ZNF398: variants seen among roughly 807,000 people sequenced by gnomAD.
ZNF398 encodes zinc finger DNA binding protein ZER6.
ZNF398 carries 18 observed loss-of-function variants against 41.9 expected under a neutral mutation model. That is an observed-to-expected ratio of 0.43 (90% CI 0.30 to 0.64). The LOEUF is 0.64. Among genes scored for constraint, ZNF398 ranks in the 30% least tolerant of loss-of-function variants. The pLI, the probability that ZNF398 is intolerant of heterozygous loss-of-function variation, is 0.14. For synonymous variants in ZNF398, 260 were observed against 308.8 expected (o/e 0.84, Z 1.66); for missense variants, 669 against 822.8 (o/e 0.81, Z 2.29).
intron 4 of ZNF398, among the ~76,000 whole-genome samples, chr7:149,176,257 G>A (rs550016800): frequency 9.2e-5 from 14 of 152,208 alleles, no homozygotes; most frequent in African/African-American, 3.1e-4. Context: ...GCAGCGGGGA[G>A]AATGGCTTGA....
At chr7:149,157,419 C>T (rs1304001696) in intron 2 of ZNF398, among the ~76,000 whole-genome samples, 1 of 151,748 alleles carries the variant, frequency 6.6e-6, no homozygotes, top group African/African-American at 2.4e-5. Context: ...TCTGTAGTCC[C>T]AGCTACTCGG....
At chr7:149,132,882 GTATGTCTGCAGCTCATT>G (rs1826627948) in intron 2 of ZNF398, among the ~76,000 whole-genome samples, 1 of 152,176 alleles carries the variant, frequency 6.6e-6, no homozygotes, top group African/African-American at 2.4e-5. Context: ...GCTTGCTTGT[GTATGTCTGCAGCTCATT>G]TTTACAGGCT....
intron 4 of ZNF398, among the ~76,000 whole-genome samples, chr7:149,173,099 T>A (rs1348099212): frequency 6.5e-5 from 7 of 108,188 alleles, no homozygotes; most frequent in Admixed American, 1.8e-4. Flanking sequence ...TTCTATTTTT[T>A]TTTTTTTTTT....
At chr7:149,170,742 A>C (rs1461102017) in intron 4 of ZNF398, among the ~76,000 whole-genome samples, 1 of 152,014 alleles carries the variant, frequency 6.6e-6, no homozygotes, top group Non-Finnish European at 1.5e-5. Flanking sequence ...CTCAAAAAAA[A>C]AAATACAAAA....
chr7:149,159,476 C>G (rs1431642019), intron 2 of ZNF398, among the ~76,000 whole-genome samples: 1 of 151,406 alleles, frequency 6.6e-6, no homozygotes, highest in Non-Finnish European at 1.5e-5. Context: ...GAAACCCCGT[C>G]TCTACTAAAA....
intron 2 of ZNF398, among the ~76,000 whole-genome samples, chr7:149,140,660 A>G (rs1826803585): frequency 2.0e-5 from 3 of 152,250 alleles, no homozygotes; most frequent in Non-Finnish European, 2.9e-5. Context: ...TTGGGATTAC[A>G]GGCGTGAGCC....
intron 4 of ZNF398, among the ~76,000 whole-genome samples, chr7:149,175,038 G>A (rs1795433215): frequency 6.6e-6 from 1 of 152,102 alleles, no homozygotes; most frequent in Admixed American, 6.5e-5. Context: ...AGAACAGGAG[G>A]TTGGCAAGGC....
intron 2 of ZNF398, among the ~76,000 whole-genome samples, chr7:149,142,394 G>A (rs543737729): frequency 6.6e-6 from 1 of 152,106 alleles, no homozygotes; most frequent in Non-Finnish European, 1.5e-5. Flanking sequence ...GGGGCTGGGA[G>A]TGGTGGCTCA....
At chr7:149,141,021 C>A (rs963541507) in intron 2 of ZNF398, among the ~76,000 whole-genome samples, 1 of 129,780 alleles carries the variant, frequency 7.7e-6, no homozygotes, top group African/African-American at 3.0e-5. Flanking sequence ...GCCTGCGCGA[C>A]AGAGGCACAG....
At chr7:149,144,885 G>A (rs888685031), upstream of ZNF398, among the ~76,000 whole-genome samples, 1 of 151,884 alleles carries the variant, frequency 6.6e-6, no homozygotes, top group African/African-American at 2.4e-5. Flanking sequence ...CACCGTGCCC[G>A]GCTTCTCGGC....
chr7:149,165,230 G>A (rs1299705220), intron 2 of ZNF398, among the ~76,000 whole-genome samples: 3 of 152,156 alleles, frequency 2.0e-5, no homozygotes, highest in African/African-American at 4.8e-5. Flanking sequence ...TGAAAGAAAC[G>A]ATGGAGACAT....
chr7:149,134,130 TCTCGGCTCA>T (rs1826663915), intron 2 of ZNF398, among the ~76,000 whole-genome samples: 1 of 148,066 alleles, frequency 6.8e-6, no homozygotes, highest in African/African-American at 2.5e-5. Flanking sequence ...AATGGTGTGA[TCTCGGCTCA>T]CTGCAACCTC....
At chr7:149,177,042 CT>C (rs1795476307) in intron 5 of ZNF398, among the ~76,000 whole-genome samples, 1 of 152,032 alleles carries the variant, frequency 6.6e-6, no homozygotes, top group Non-Finnish European at 1.5e-5. Flanking sequence ...TTCTAAGATA[CT>C]TTTGCCATTT....
At chr7:149,159,711 T>A (rs1328463484) in intron 2 of ZNF398, among the ~76,000 whole-genome samples, 1 of 150,094 alleles carries the variant, frequency 6.7e-6, no homozygotes, top group East Asian at 1.9e-4. Context: ...AAATAACTTT[T>A]CCTCAAAAAA....
At chr7:149,132,730 C>G (rs1433733130) in intron 2 of ZNF398, among the ~76,000 whole-genome samples, 1 of 152,094 alleles carries the variant, frequency 6.6e-6, no homozygotes, top group African/African-American at 2.4e-5. Context: ...ATGTTGTGTG[C>G]TCCCTACTGC....
At chr7:149,171,208 TA>T (rs1795332438) in intron 4 of ZNF398, among the ~76,000 whole-genome samples, 1 of 151,396 alleles carries the variant, frequency 6.6e-6, no homozygotes, top group Non-Finnish European at 1.5e-5. Context: ...TATAATACAG[TA>T]ATATACTTAT....
chr7:149,165,033 G>A (rs1433150621), intron 2 of ZNF398, among the ~76,000 whole-genome samples: 1 of 151,710 alleles, frequency 6.6e-6, no homozygotes, highest in East Asian at 1.9e-4. Flanking sequence ...GGCAGAGGTT[G>A]CAGTGAGACG....
In ZNF398 at chr7:149,182,510, AC is replaced by A. The variant is rs921113815; in HGVS notation, c.*2711del. The A allele has an allele frequency of 1.3e-5, 2 of 152,200 alleles. No individual in the cohort carries two copies. The highest frequency in any genetic ancestry group is 2.9e-5 in the Non-Finnish European group (2 of 68,036). The allele number at this position is 152,200 out of a possible 1,614,324, so 9.4% of individuals were successfully genotyped here. A position where few individuals can be genotyped will look rare whatever the true frequency, so the allele number is the denominator to read the frequency against. On this transcript the variant is annotated 3_prime_UTR_variant, in exon 6 of 6. Transcript: ENST00000475153. The stretch of plus-strand genomic sequence containing the variant: ...GGCCTATCAAGTGCTCCTGAGAGAA[AC>A]CATGCAATTTAACACTTCAGTTAAA...
chr7:149,129,626 C>G (rs1826559237), intron 2 of ZNF398, among the ~76,000 whole-genome samples: 1 of 151,436 alleles, frequency 6.6e-6, no homozygotes, highest in South Asian at 2.1e-4. Flanking sequence ...GTGATCCACC[C>G]ACCTCGGCCT....
Sources: allele counts gnomAD v4.1 joint callset (sites outside exome capture counted in the v4.1 genomes callset), GRCh38; gene constraint gnomAD v4.1.1; transcripts MANE v1.5; gene names NCBI Gene and HGNC (gene_info 2026-07-23, HGNC 2026-07-21).